DENND5B: variants seen among roughly 807,000 people sequenced by gnomAD.
DENND5B encodes DENN domain-containing protein 5B.
A neutral mutation model predicts 140.6 loss-of-function variants in DENND5B; 34 were observed. That is an observed-to-expected ratio of 0.24 (90% CI 0.18 to 0.32). The LOEUF (loss-of-function observed/expected upper bound fraction) is 0.32. DENND5B is among the 10% of genes least tolerant of loss of function. DENND5B has a pLI of 1.00. For missense variants in DENND5B, 1,142 were observed against 1,560.2 expected, an observed-to-expected ratio of 0.73 and a Z score of 4.52; for synonymous variants, 551 against 562.1, an observed-to-expected ratio of 0.98 and a Z score of 0.28.
At chr12:31,504,221 G>A (rs1947110866) in intron 1 of DENND5B, among the ~76,000 whole-genome samples, 1 of 152,180 alleles carries the variant, frequency 6.6e-6, no homozygotes, top group Non-Finnish European at 1.5e-5. Flanking sequence ...AAAAAGAAGT[G>A]TGACTAATTT....
At chr12:31,586,315 G>A (rs887482235) in intron 1 of DENND5B, among the ~76,000 whole-genome samples, 2 of 151,996 alleles carry the variant, frequency 1.3e-5, no homozygotes, top group African/African-American at 4.8e-5. Context: ...ATATTTAAAG[G>A]GAATTTAAAC....
chr12:31,561,192 T>C (rs886209352), intron 1 of DENND5B, among the ~76,000 whole-genome samples: 4 of 152,176 alleles, frequency 2.6e-5, no homozygotes, highest in African/African-American at 9.7e-5. Flanking sequence ...AGCTGCACCA[T>C]ACTCATGTAC....
chr12:31,467,381 T>C (rs1339205907), intron 3 of DENND5B, among the ~76,000 whole-genome samples: 1 of 152,072 alleles, frequency 6.6e-6, no homozygotes, highest in Non-Finnish European at 1.5e-5. Flanking sequence ...TCCCAGCACT[T>C]TGGGAGGCTG....
chr12:31,423,231 G>A (rs554750918), intron 11 of DENND5B, among the ~76,000 whole-genome samples: 73 of 151,976 alleles, frequency 4.8e-4, no homozygotes, highest in Non-Finnish European at 1.0e-3. Flanking sequence ...GTGAGCCACC[G>A]TGCCTAGCAT....
At chr12:31,455,236 A>G (rs1423401366) in intron 4 of DENND5B, among the ~76,000 whole-genome samples, 2 of 152,122 alleles carry the variant, frequency 1.3e-5, no homozygotes, top group African/African-American at 4.8e-5. Context: ...CCTTCCTACT[A>G]CCTTTTTCTA....
At chr12:31,473,551 CTCTG>C (rs770485257) in intron 3 of DENND5B, among the ~76,000 whole-genome samples, 10 of 152,140 alleles carry the variant, frequency 6.6e-5, no homozygotes, top group Non-Finnish European at 1.2e-4. Context: ...CAGACAAATT[CTCTG>C]TATGTGGAGT....
chr12:31,395,942 C>CAAAAA lies in DENND5B; in HGVS notation c.3256+2228_3256+2232dup, dbSNP rs541816511. On this transcript the variant is annotated intron_variant, in intron 17 of 20. Coordinates refer to ENST00000389082, the MANE Select transcript of DENND5B (RefSeq NM_144973.4). ...AGTCAAAATTTAGTTATCACTGGGC[C>CAAAAA]AAAAAAAAAAAAAAAAAAAAAGCAA... Among the ~76,000 whole-genome samples, 86 of 91,712 alleles carry CAAAAA rather than the reference C, an allele frequency of 9.4e-4. 1 individual carries two copies. The highest frequency in any genetic ancestry group is 3.3e-3 in the African/African-American group (75 of 23,062). The allele number at this position is 91,712 out of a possible 152,430, so 60.2% of individuals were successfully genotyped here.
chr12:31,503,875 C>G (rs1947099612), intron 1 of DENND5B, among the ~76,000 whole-genome samples: 1 of 152,186 alleles, frequency 6.6e-6, no homozygotes, highest in Non-Finnish European at 1.5e-5. Context: ...CTATTTCCCT[C>G]TCTTCCTGTC....
At chr12:31,501,609 A>G (rs1344357796) in intron 1 of DENND5B, among the ~76,000 whole-genome samples, 3 of 152,124 alleles carry the variant, frequency 2.0e-5, no homozygotes, top group African/African-American at 7.2e-5. Flanking sequence ...CCCTGTCTCC[A>G]CTAAAAATAC....
chr12:31,533,715 A>AT (rs1948379423), intron 1 of DENND5B, among the ~76,000 whole-genome samples: 1 of 152,180 alleles, frequency 6.6e-6, no homozygotes, highest in African/African-American at 2.4e-5. Context: ...GGTCATACTG[A>AT]TTCACCATTA....
rs938665709 is a variant in DENND5B at position 31,409,313 on chromosome 12, G to GA, written c.2752dup (p.Ser918PhefsTer22). 7.0e-6 allele frequency: 11 copies of GA among 1,567,722 alleles called. No homozygotes were observed. In the Admixed American group the frequency reaches 1.7e-4, roughly 24 times the overall value. On this transcript the variant is annotated frameshift_variant, in exon 14 of 21. Coordinates refer to ENST00000389082, the MANE Select transcript of DENND5B (RefSeq NM_144973.4). LOFTEE classifies it high-confidence loss of function. ...GCAGAAATAGTCCACAGCATTGAGA[G>GA]AAAGAAGGTGGTAAAGAAACTGCTC...
intron 1 of DENND5B, among the ~76,000 whole-genome samples, chr12:31,542,895 G>T (rs1948734513): frequency 6.6e-6 from 1 of 152,160 alleles, no homozygotes; most frequent in African/African-American, 2.4e-5. Context: ...GGTGGAAGTT[G>T]CAGGGAGCCA....
intron 2 of DENND5B, among the ~76,000 whole-genome samples, chr12:31,494,631 C>T (rs942784106): frequency 2.0e-5 from 3 of 152,116 alleles, no homozygotes; most frequent in South Asian, 2.1e-4. Flanking sequence ...TCAGGATGGT[C>T]GTGGGCCAAG....
intron 7 of DENND5B, among the ~76,000 whole-genome samples, chr12:31,434,559 C>G (rs1229836763): frequency 6.6e-6 from 1 of 152,138 alleles, no homozygotes; most frequent in East Asian, 1.9e-4. Context: ...TATAATGTTT[C>G]CCTTATTCAA....
chr12:31,420,019 C>T (rs1367964846), intron 11 of DENND5B: 1 of 983,634 alleles, frequency 1.0e-6, no homozygotes, highest in Non-Finnish European at 1.2e-6. Context: ...CATTTCCACT[C>T]CCTTCAGTGG....
intron 1 of DENND5B, among the ~76,000 whole-genome samples, chr12:31,570,560 A>G (rs1037305351): frequency 2.0e-5 from 3 of 151,112 alleles, no homozygotes; most frequent in African/African-American, 7.3e-5. Flanking sequence ...TACAGGCGTG[A>G]GCCACTGCAC....
chr12:31,395,591 T>A (rs888502925), intron 17 of DENND5B, among the ~76,000 whole-genome samples: 2 of 151,218 alleles, frequency 1.3e-5, no homozygotes, highest in African/African-American at 4.8e-5. Context: ...GAAAACTCAG[T>A]CAAAACAAAA....
intron 6 of DENND5B, chr12:31,443,792 T>C (rs1466858795): frequency 6.6e-6 from 1 of 152,164 alleles, no homozygotes; most frequent in East Asian, 1.9e-4. Context: ...TTCTCATTAG[T>C]AGGAGTCATT....
chr12:31,480,370 T>G (rs1052519198), intron 2 of DENND5B, 115 bp from the exon 3 acceptor site: 2 of 993,656 alleles, frequency 2.0e-6, no homozygotes, highest in Admixed American at 3.3e-5. Context: ...TTATCCAGAT[T>G]TAATATTCGC....
Sources: gnomAD v4.1 joint callset for allele counts (sites outside exome capture counted in the v4.1 genomes callset) on GRCh38, gnomAD v4.1.1 for gene constraint, MANE v1.5 for transcripts, NCBI Gene and HGNC (gene_info 2026-07-23, HGNC 2026-07-21) for gene names.